Variants in CDH13 observed in about 807,000 individuals in gnomAD.
CDH13 encodes the protein cadherin-13.
A neutral mutation model predicts 63.8 loss-of-function variants in CDH13; 24 were observed. That is an observed-to-expected ratio of 0.38 (90% CI 0.27 to 0.53). The LOEUF (loss-of-function observed/expected upper bound fraction) is 0.53. Ranked by LOEUF, CDH13 falls within the 20% of genes least tolerant of loss-of-function variation. The probability of loss-of-function intolerance (pLI) is 0.85; values close to 1 mark genes in which losing one functional copy is unlikely to be tolerated. For missense variants in CDH13, 1,049 were observed against 903.1 expected, an observed-to-expected ratio of 1.16 and a Z score of -2.07; for synonymous variants, 503 against 355.3, an observed-to-expected ratio of 1.42 and a Z score of -4.67.
chr16:82,887,516 C>A (rs2040932258), intron 2 of CDH13, among the ~76,000 whole-genome samples: 1 of 152,108 alleles, frequency 6.6e-6, no homozygotes, highest in African/African-American at 2.4e-5. Flanking sequence ...GGGTAGGTGA[C>A]ATGTGGGGAG....
rs543571502 is a variant in CDH13 at position 82,837,788 on chromosome 16, G to A, written c.46-20574G>A. Reference sequence around the variant, plus strand: ...ATACATAGCAACATTCCTGACTCCCGGAAGAAAAGCAAGAGTTCAGCATAA... The same window carrying A: ...ATACATAGCAACATTCCTGACTCCCAGAAGAAAAGCAAGAGTTCAGCATAA... On this transcript the variant is annotated intron_variant, in intron 1 of 13. Coordinates refer to ENST00000567109, the MANE Select transcript of CDH13 (RefSeq NM_001257.5). Among the ~76,000 whole-genome samples the A allele has an allele frequency of 1.4e-4, 21 of 152,254 alleles. No homozygotes were observed. In the South Asian group the frequency reaches 3.1e-3, roughly 23 times the overall value.
chr16:83,086,934 A>G (rs1456693900), intron 3 of CDH13, among the ~76,000 whole-genome samples: 1 of 152,238 alleles, frequency 6.6e-6, no homozygotes, highest in Non-Finnish European at 1.5e-5. Context: ...AAAACTACAT[A>G]GAAGAGGTTT....
At chr16:82,807,938 G>A (rs73606808) in intron 1 of CDH13, among the ~76,000 whole-genome samples, 2,913 of 152,230 alleles carry the variant, frequency 0.019, 95 homozygotes, top group African/African-American at 0.067. Flanking sequence ...CGATCAAAGG[G>A]AATTGGTTAT....
chr16:83,650,356 C>T (rs1000322248), intron 8 of CDH13, among the ~76,000 whole-genome samples: 3 of 152,178 alleles, frequency 2.0e-5, no homozygotes, highest in Admixed American at 2.0e-4. Flanking sequence ...TTTCTGGCAA[C>T]ATCTGATTCA....
intron 10 of CDH13, among the ~76,000 whole-genome samples, chr16:83,742,093 T>G (rs1912119881): frequency 6.6e-6 from 1 of 152,172 alleles, no homozygotes; most frequent in South Asian, 2.1e-4. Flanking sequence ...AAACCTTTGA[T>G]CTCTTTCACC....
chr16:83,309,653 G>A (rs980392630), intron 5 of CDH13, among the ~76,000 whole-genome samples: 2 of 152,236 alleles, frequency 1.3e-5, no homozygotes, highest in East Asian at 3.9e-4. Flanking sequence ...GGGATTACAG[G>A]CGTGAGCCGC....
chr16:82,819,282 T>G (rs1462668478), intron 1 of CDH13, among the ~76,000 whole-genome samples: 2 of 152,198 alleles, frequency 1.3e-5, no homozygotes, highest in Non-Finnish European at 2.9e-5. Context: ...ATATTTCAAG[T>G]AACTTTCCAG....
rs1302417309 is a variant in CDH13, at chr16:83,678,237, C to T, written c.1314C>T (p.His438=). The T allele has an allele frequency of 2.5e-6, 4 of 1,613,754 alleles. No homozygotes were observed. Among genetic ancestry groups the T allele is most frequent in the South Asian group, 2.2e-5 (2 of 91,070 alleles). The part of the protein sequence containing the change: ...KPLDYEISAF[H]TLLIKVENED... ...TGGACTATGAAATTTCTGCCTTCCA[C>T]ACCCTGCTGATCAAAGTGGAAAATG... The change falls in exon 10 of 14, where the codon CAC becomes CAT. Residue 438 remains histidine (H), a synonymous_variant. Coordinates refer to ENST00000567109, the MANE Select transcript of CDH13 (RefSeq NM_001257.5).
In CDH13 at chr16:83,217,345, G is replaced by C; in HGVS notation, c.484G>C (p.Val162Leu). ...AATGTCTCTCTGTTTTTCTGACTAG[G>C]TAGTCGATAGTGACAGGCCAGAAAG... ...RQPFPRDVGKVVDSDRPERSK... is the reference protein window; with the variant it reads ...RQPFPRDVGKLVDSDRPERSK... Residue 162 changes from valine to leucine, a missense_variant and splice_region_variant, in exon 5 of 14, where the codon GTA becomes CTA. Physicochemically the swap from Val to Leu is conservative, Grantham distance 32 (BLOSUM62 1). Transcript: ENST00000567109. 1.9e-6 allele frequency: 3 copies of C among 1,613,804 alleles called. No individual in the cohort carries two copies. The highest frequency in any genetic ancestry group is 2.5e-6 in the Non-Finnish European group (3 of 1,179,828).
intron 2 of CDH13, among the ~76,000 whole-genome samples, chr16:82,891,055 A>T (rs5818413): frequency 0.093 from 1,134 of 12,180 alleles, 21 homozygotes; most frequent in African/African-American, 0.24. Context: ...TTTTTTTTTT[A>T]AGTTTTGTTG....
chr16:82,676,418 C>G (rs766470072), intron 1 of CDH13, among the ~76,000 whole-genome samples: 50 of 151,278 alleles, frequency 3.3e-4, no homozygotes, highest in Admixed American at 9.2e-4. Context: ...TGCTAAATAT[C>G]TCAGCAAGAA....
chr16:83,490,576 C>G (rs1387277955), intron 7 of CDH13, among the ~76,000 whole-genome samples: 1 of 152,176 alleles, frequency 6.6e-6, no homozygotes, highest in African/African-American at 2.4e-5. Flanking sequence ...AGTCTATGGC[C>G]TATCTGCTTG....
At chr16:82,928,916 T>C (rs753176995) in intron 2 of CDH13, among the ~76,000 whole-genome samples, 1 of 152,200 alleles carries the variant, frequency 6.6e-6, no homozygotes, top group East Asian at 1.9e-4. Context: ...TTTTCTGACA[T>C]TGGAATGGGA....
chr16:83,013,033 C>A (rs1914318032), intron 2 of CDH13, among the ~76,000 whole-genome samples: 1 of 152,172 alleles, frequency 6.6e-6, no homozygotes, highest in East Asian at 1.9e-4. Flanking sequence ...AGTTTACTTG[C>A]CTGAGCACTT....
chr16:83,526,532 C>G (rs2074964412), intron 7 of CDH13, among the ~76,000 whole-genome samples: 1 of 152,192 alleles, frequency 6.6e-6, no homozygotes, highest in Non-Finnish European at 1.5e-5. Flanking sequence ...ACTGCCATTG[C>G]TGATCTGACA....
At chr16:82,635,546 T>G (rs1597175761) in intron 1 of CDH13, among the ~76,000 whole-genome samples, 1 of 152,054 alleles carries the variant, frequency 6.6e-6, no homozygotes, top group Non-Finnish European at 1.5e-5. Flanking sequence ...CCATTGAGGG[T>G]ACTGAGGGAA....
At chr16:82,779,725 T>G (rs1450125742) in intron 1 of CDH13, among the ~76,000 whole-genome samples, 1 of 152,202 alleles carries the variant, frequency 6.6e-6, no homozygotes, top group Non-Finnish European at 1.5e-5. Flanking sequence ...AACAGAGGAA[T>G]GCAGAGCTTA....
chr16:83,626,005 T>C (rs1452131204), intron 8 of CDH13, among the ~76,000 whole-genome samples: 1 of 148,744 alleles, frequency 6.7e-6, no homozygotes, highest in Non-Finnish European at 1.5e-5. Flanking sequence ...GGAAACAAGC[T>C]TGCTTCTTTT....
intron 5 of CDH13, among the ~76,000 whole-genome samples, chr16:83,297,767 A>G (rs2089636763): frequency 6.6e-6 from 1 of 152,332 alleles, no homozygotes; most frequent in Middle Eastern, 3.4e-3. Context: ...ATGAAGAAAC[A>G]TACAAATGAC....
Sources: gnomAD v4.1 joint callset for allele counts (sites outside exome capture counted in the v4.1 genomes callset) on GRCh38, gnomAD v4.1.1 for gene constraint, MANE v1.5 for transcripts, NCBI Gene and HGNC (gene_info 2026-07-23, HGNC 2026-07-21) for gene names.